Variants in ARHGAP15 observed in about 807,000 individuals in gnomAD.
ARHGAP15 encodes rho GTPase-activating protein 15.
In ARHGAP15, 51 loss-of-function variants were observed where a neutral mutation model predicts 63.7. That is an observed-to-expected ratio of 0.80 (90% CI 0.64 to 1.01). The LOEUF (loss-of-function observed/expected upper bound fraction) is 1.01. ARHGAP15 is among the 50% of genes least tolerant of loss of function. The pLI is 0.00. For synonymous variants in ARHGAP15, 191 were observed against 193.8 expected (o/e 0.99, Z 0.12); for missense variants, 560 against 564.6 (o/e 0.99, Z 0.08).
chr2:143,535,310 C>A (rs1694704072), intron 10 of ARHGAP15, among the ~76,000 whole-genome samples: 1 of 152,134 alleles, frequency 6.6e-6, no homozygotes, highest in Admixed American at 6.5e-5. Context: ...CTTTTTCTCT[C>A]CCACATCCTA....
At chr2:143,333,162 A>T (rs1252703157) in intron 6 of ARHGAP15, among the ~76,000 whole-genome samples, 1 of 152,154 alleles carries the variant, frequency 6.6e-6, no homozygotes, top group East Asian at 1.9e-4. Flanking sequence ...AGTAAGCAGG[A>T]GAGAGAGAAA....
At chr2:143,720,930 G>A (rs945545018) in intron 13 of ARHGAP15, among the ~76,000 whole-genome samples, 12 of 152,062 alleles carry the variant, frequency 7.9e-5, no homozygotes, top group Middle Eastern at 3.4e-3. Context: ...TTAGCCAGGC[G>A]TGGTGGCGGG....
chr2:143,534,448 G>A (rs1320721991), intron 10 of ARHGAP15, among the ~76,000 whole-genome samples: 2 of 152,184 alleles, frequency 1.3e-5, no homozygotes, highest in Non-Finnish European at 2.9e-5. Context: ...AAAACTGCAG[G>A]AGAGTGATAC....
chr2:143,465,544 CT>C (rs1186455499), intron 8 of ARHGAP15, among the ~76,000 whole-genome samples: 4 of 151,982 alleles, frequency 2.6e-5, no homozygotes, highest in Non-Finnish European at 4.4e-5. Flanking sequence ...ACTGGCAGTC[CT>C]TTTAAATATC....
intron 11 of ARHGAP15, among the ~76,000 whole-genome samples, chr2:143,620,042 G>A (rs1698593625): frequency 6.6e-6 from 1 of 152,180 alleles, no homozygotes; most frequent in African/African-American, 2.4e-5. Flanking sequence ...TGTTTGTTCA[G>A]TGTTTCAGTT....
intron 6 of ARHGAP15, among the ~76,000 whole-genome samples, chr2:143,384,955 A>G (rs1476633563): frequency 6.6e-6 from 1 of 152,192 alleles, no homozygotes; most frequent in Non-Finnish European, 1.5e-5. Context: ...ATTCCTTTAT[A>G]GAAAGATACT....
chr2:143,676,819 C>G (rs940679418), intron 12 of ARHGAP15, among the ~76,000 whole-genome samples: 2 of 152,056 alleles, frequency 1.3e-5, no homozygotes, highest in Admixed American at 1.3e-4. Flanking sequence ...GCACATACTA[C>G]TGGGAAAAAG....
At chr2:143,342,014 C>T (rs1685079838) in intron 6 of ARHGAP15, among the ~76,000 whole-genome samples, 2 of 152,086 alleles carry the variant, frequency 1.3e-5, no homozygotes, top group Admixed American at 6.6e-5. Flanking sequence ...TTTAGCTTAT[C>T]CAATATTCTT....
intron 10 of ARHGAP15, chr2:143,522,010 GTC>G (rs889939775): frequency 3.9e-5 from 6 of 152,230 alleles, no homozygotes; most frequent in African/African-American, 1.4e-4. Context: ...CACTTCTGTA[GTC>G]TCTCCAAGGA....
chr2:143,372,753 C>T (rs1686616177), intron 6 of ARHGAP15, among the ~76,000 whole-genome samples: 1 of 152,048 alleles, frequency 6.6e-6, no homozygotes, highest in South Asian at 2.1e-4. Context: ...TCCCTGGAGT[C>T]TTTGATTTCA....
At chr2:143,309,184 C>A (rs1279857283) in intron 6 of ARHGAP15, among the ~76,000 whole-genome samples, 1 of 152,066 alleles carries the variant, frequency 6.6e-6, no homozygotes, top group African/African-American at 2.4e-5. Flanking sequence ...CTTTTCCCTT[C>A]ATGCTATACC....
intron 11 of ARHGAP15, among the ~76,000 whole-genome samples, chr2:143,577,435 C>A (rs1320969136): frequency 6.6e-6 from 1 of 152,076 alleles, no homozygotes; most frequent in East Asian, 1.9e-4. Flanking sequence ...GGGACAAAAA[C>A]CAAAGGATTT....
intron 6 of ARHGAP15, among the ~76,000 whole-genome samples, chr2:143,268,639 C>CAAAAAA (rs1681116893): frequency 6.6e-6 from 1 of 151,814 alleles, no homozygotes; most frequent in Admixed American, 6.6e-5. Flanking sequence ...TAAATTACCT[C>CAAAAAA]AAAATAGCAA....
intron 12 of ARHGAP15, among the ~76,000 whole-genome samples, chr2:143,638,687 T>TAAAAAAAAAAAAAAAAATAA (rs201447356): frequency 7.6e-6 from 1 of 132,338 alleles, no homozygotes; most frequent in African/African-American, 2.8e-5. Flanking sequence ...AAAAAAATAT[T>TAAAAAAAAAAAAAAAAATAA]AAAAAAAAAA....
intron 12 of ARHGAP15, chr2:143,641,227 G>A (rs896897122): frequency 1.3e-5 from 2 of 151,908 alleles, no homozygotes; most frequent in Non-Finnish European, 2.9e-5. Flanking sequence ...TTAGCGGTGG[G>A]GGCTCCATAA....
chr2:143,147,250 T>A (rs1456648339), intron 1 of ARHGAP15, among the ~76,000 whole-genome samples: 4 of 152,062 alleles, frequency 2.6e-5, no homozygotes, highest in Admixed American at 2.6e-4. Flanking sequence ...TCTAACGCTG[T>A]GGCTGCTGAG....
chr2:143,369,680 T>C (rs1320701367), intron 6 of ARHGAP15, among the ~76,000 whole-genome samples: 2 of 152,142 alleles, frequency 1.3e-5, no homozygotes, highest in Non-Finnish European at 2.9e-5. Context: ...TAATATACTA[T>C]CTATTTAAGC....
At chr2:143,645,718 C>T (rs541935303) in intron 12 of ARHGAP15, among the ~76,000 whole-genome samples, 10 of 151,988 alleles carry the variant, frequency 6.6e-5, no homozygotes, top group Middle Eastern at 3.4e-3. Context: ...AGTCAAATTC[C>T]GCGATACTAT....
At chr2:143,758,216 A>G (rs1400559075) in intron 13 of ARHGAP15, among the ~76,000 whole-genome samples, 1 of 151,820 alleles carries the variant, frequency 6.6e-6, no homozygotes, top group African/African-American at 2.4e-5. Context: ...ATTATAGCAC[A>G]TTATGTATTT....
Sources: allele counts gnomAD v4.1 joint callset (sites outside exome capture counted in the v4.1 genomes callset), GRCh38; gene constraint gnomAD v4.1.1; transcripts MANE v1.5; gene names NCBI Gene and HGNC (gene_info 2026-07-23, HGNC 2026-07-21).